The following SOD2 variants were observed in gnomAD, a reference collection of about 807,000 sequenced individuals.
SOD2 encodes superoxide dismutase 2.
SOD2 carries 11 observed loss-of-function variants against 27.0 expected under a neutral mutation model. The observed-to-expected ratio is 0.41, with a 90% confidence interval of 0.26 to 0.67. The LOEUF is 0.67. SOD2 is among the 30% of genes least tolerant of loss of function. SOD2 has a pLI of 0.34. For synonymous variants in SOD2, 105 were observed against 103.0 expected, an observed-to-expected ratio of 1.02 and a Z score of -0.12; for missense variants, 250 against 274.5, an observed-to-expected ratio of 0.91 and a Z score of 0.63.
rs549228319 is a variant in SOD2, at chr6:159,720,051, G to C, written c.-116+7078C>G. ...GCTTTTTTTTTTTTTTGGTGGGGGG[G>C]ACAGAGTCTCACTCCGTCTCCCAGG... On this transcript the variant is annotated intron_variant, in intron 1 of 2. Coordinates refer to the SOD2 transcript ENST00000401980. 2.7e-5 allele frequency among the ~76,000 whole-genome samples: 4 copies of C among 149,408 alleles called. No homozygotes were observed. In the East Asian group the frequency reaches 7.9e-4, roughly 29 times the overall value.
chr6:159,688,252 T>TA lies in SOD2; in HGVS notation c.227-11dup. ...TGGGCTGTAACATCTCCTGAAAAGTTAAAATGCAAACACATTTTTTTGTAA... is the reference window on the plus strand; with the variant it reads ...TGGGCTGTAACATCTCCTGAAAAGTTAAAAATGCAAACACATTTTTTTGTAA... On this transcript the variant is annotated splice_polypyrimidine_tract_variant and intron_variant, in intron 2 of 4. Transcript: ENST00000538183. 6.5e-7 allele frequency: 1 copy of TA among 1,537,862 alleles called. No homozygotes were observed. Among genetic ancestry groups the TA allele is most frequent in the Non-Finnish European group, 9.0e-7 (1 of 1,110,938 alleles).
upstream of SOD2, among the ~76,000 whole-genome samples, chr6:159,697,835 TCA>T (rs778721304): frequency 1.3e-5 from 2 of 152,200 alleles, no homozygotes; most frequent in Non-Finnish European, 2.9e-5. Flanking sequence ...GCTGGTCCCT[TCA>T]CAGTCAGAAA....
At chr6:159,683,812 G>T (rs2758330) in intron 4 of SOD2, among the ~76,000 whole-genome samples, 116,529 of 151,978 alleles carry the variant, frequency 0.77, 45,131 homozygotes, top group South Asian at 0.85. Context: ...GTTATGCCAT[G>T]TCACTGTCCC....
intron 1 of SOD2, chr6:159,726,116 T>C (rs933770298): frequency 2.6e-5 from 4 of 152,452 alleles, no homozygotes; most frequent in African/African-American, 4.8e-5. Flanking sequence ...CTGCAAGGTA[T>C]AAGAATAAAC....
chr6:159,702,687 A>G (rs1335606709), intron 1 of SOD2, among the ~76,000 whole-genome samples: 1 of 148,598 alleles, frequency 6.7e-6, no homozygotes, highest in Non-Finnish European at 1.5e-5. Flanking sequence ...AAAGAAAGAA[A>G]GAAAGAAAGA....
upstream of SOD2, among the ~76,000 whole-genome samples, chr6:159,747,359 T>C (rs1325572509): frequency 1.3e-5 from 2 of 152,228 alleles, no homozygotes; most frequent in Admixed American, 6.5e-5. Context: ...ACTAGAATTG[T>C]AGTCCCGCTA....
rs1332869456 is a variant in SOD2, at chr6:159,671,894, T to A, written c.*10599A>T. The stretch of plus-strand genomic sequence containing the variant: ...AGAATAACCAGCATAGAGAAGTCCT[T>A]AAATGACCTGATGGAGCTGAAAACC... On this transcript the variant is annotated 3_prime_UTR_variant, in exon 5 of 5. Coordinates refer to ENST00000538183, the MANE Select transcript of SOD2 (RefSeq NM_000636.4). The A allele has an allele frequency of 1.7e-4, 26 of 152,150 alleles. 1 individual carries two copies. The highest frequency in any genetic ancestry group is 1.7e-3 in the Admixed American group (26 of 15,278). 9.4% of individuals were successfully genotyped at this position (152,150 alleles called of 1,614,324 possible). A position where few individuals can be genotyped will look rare whatever the true frequency, so the allele number is the denominator to read the frequency against.
intron 1 of SOD2, chr6:159,742,078 T>C (rs758557409): frequency 6.3e-7 from 1 of 1,589,706 alleles, no homozygotes; most frequent in Non-Finnish European, 8.6e-7. Flanking sequence ...TATGGATTTT[T>C]TTTTATTAGA....
intron 1 of SOD2, among the ~76,000 whole-genome samples, chr6:159,718,863 G>A (rs1189706427): frequency 6.6e-6 from 1 of 152,166 alleles, no homozygotes; most frequent in Non-Finnish European, 1.5e-5. Context: ...ACTCAGCAGA[G>A]GTACTAACTG....
At chr6:159,713,762 C>A in intron 1 of SOD2, 1 of 943,048 alleles carries the variant, frequency 1.1e-6, no homozygotes, top group East Asian at 2.4e-5. Flanking sequence ...ATCTGTGTCC[C>A]ATGGTTTCTC....
At chr6:159,689,045 G>T (rs563798360) in intron 2 of SOD2, among the ~76,000 whole-genome samples, 25 of 152,196 alleles carry the variant, frequency 1.6e-4, no homozygotes, top group African/African-American at 5.3e-4. Flanking sequence ...CCCTCCAAAG[G>T]CTCCCCTTCT....
intron 1 of SOD2, among the ~76,000 whole-genome samples, chr6:159,739,390 C>A (rs758055174): frequency 6.6e-6 from 1 of 152,046 alleles, no homozygotes; most frequent in Admixed American, 6.6e-5. Context: ...GTTACTTTTT[C>A]TTATTAGTGT....
At chr6:159,704,027 T>A (rs1777573893) in intron 1 of SOD2, among the ~76,000 whole-genome samples, 1 of 152,194 alleles carries the variant, frequency 6.6e-6, no homozygotes, top group Admixed American at 6.5e-5. Flanking sequence ...GGCTCACGCC[T>A]GTAATCCCAG....
chr6:159,758,396 A>G (rs1583115515), intron 1 of SOD2, among the ~76,000 whole-genome samples: 1 of 152,186 alleles, frequency 6.6e-6, no homozygotes, highest in Non-Finnish European at 1.5e-5. Flanking sequence ...AGAGAGCGCA[A>G]TAGATGTCAG....
chr6:159,743,832 A>G, intron 1 of SOD2: 1 of 1,547,050 alleles, frequency 6.5e-7, no homozygotes, highest in South Asian at 1.3e-5. Flanking sequence ...TAGTTGAGGA[A>G]TTGGTTTTTA....
upstream of SOD2, among the ~76,000 whole-genome samples, chr6:159,697,905 C>T (rs1777453775): frequency 1.3e-5 from 2 of 152,066 alleles, no homozygotes; most frequent in African/African-American, 2.4e-5. Context: ...TTTGGGAGGC[C>T]GAGGTGGGCG....
intron 1 of SOD2, chr6:159,742,204 C>G: frequency 4.3e-6 from 6 of 1,393,514 alleles, no homozygotes; most frequent in South Asian, 3.7e-5. Context: ...TTGTTAAAAT[C>G]AAAAGGATAG....
chr6:159,696,573 G>T (rs1209736129), upstream of SOD2, among the ~76,000 whole-genome samples: 1 of 152,096 alleles, frequency 6.6e-6, no homozygotes, highest in Non-Finnish European at 1.5e-5. Flanking sequence ...GCCTGCCTCA[G>T]CCTCCCAAAG....
intron 1 of SOD2, chr6:159,713,880 T>C: frequency 1.0e-6 from 1 of 1,002,298 alleles, no homozygotes; most frequent in Non-Finnish European, 1.5e-6. Context: ...GATGTGCCAT[T>C]TTGTATTTTG....
Sources: allele counts gnomAD v4.1 joint callset (sites outside exome capture counted in the v4.1 genomes callset), GRCh38; gene constraint gnomAD v4.1.1; transcripts MANE v1.5; gene names NCBI Gene and HGNC (gene_info 2026-07-23, HGNC 2026-07-21).